The following TCFL5 variants were observed in gnomAD, a reference collection of about 807,000 sequenced individuals.
TCFL5 encodes transcription factor like 5, also known as transcription factor-like 5 protein.
Under a neutral mutation model 44.3 loss-of-function variants are expected in TCFL5, and 9 were observed. The observed-to-expected ratio is 0.20, with a 90% CI of 0.12 to 0.35. TCFL5 has a LOEUF of 0.35. TCFL5 is among the 10% of genes least tolerant of loss of function. The probability of loss-of-function intolerance (pLI) is 1.00; values close to 1 mark genes in which losing one functional copy is unlikely to be tolerated. For synonymous variants in TCFL5, 319 were observed against 271.6 expected, an observed-to-expected ratio of 1.17 and a Z score of -1.72; for missense variants, 603 against 613.4, an observed-to-expected ratio of 0.98 and a Z score of 0.18.
intron 3 of TCFL5, 105 bp downstream of exon 3, chr20:62,859,259 A>G: frequency 2.7e-6 from 3 of 1,122,576 alleles, no homozygotes; most frequent in East Asian, 2.4e-5. Context: ...ACTGTTTCAC[A>G]TGTGTACAAA....
rs757140481 is a variant in TCFL5 at position 62,861,564 on chromosome 20, C to T, written c.107G>A (p.Gly36Glu). The T allele has an allele frequency of 1.8e-6, 2 of 1,119,010 alleles. No homozygotes were observed. The highest frequency in any genetic ancestry group is 2.2e-6 in the Non-Finnish European group (2 of 906,180). The allele number at this position is 1,119,010 out of a possible 1,614,324, so 69.3% of individuals were successfully genotyped here. A position where few individuals can be genotyped will look rare whatever the true frequency, so the allele number is the denominator to read the frequency against. ...GGGDAALGEPGLSFTTTDLSL... is the reference protein window; with the variant it reads ...GGGDAALGEPELSFTTTDLSL... ...CAGGTCGGTGGTCGTGAAGCTCAGC[C>T]CCGGCTCGCCCAGCGCCGCGTCCCC... Residue 36 changes from glycine (G) to glutamate (E), a missense_variant, in exon 1 of 6, where the codon GGG becomes GAG. Gly to Glu is a moderately conservative substitution (Grantham distance 98). Transcript: ENST00000335351. This position sits in a 1 kb window ranked among gnomAD's most constrained non-coding sequence, Gnocchi z 4.0.
intron 5 of TCFL5, chr20:62,851,588 G>A: frequency 2.0e-6 from 2 of 985,128 alleles, no homozygotes; most frequent in Non-Finnish European, 2.4e-6. Flanking sequence ...AACCATAAAC[G>A]ATCCGATCAG....
At position 62,854,433 on chromosome 20, in the gene TCFL5, G is replaced by A. The variant is rs187037467; in HGVS notation, c.1239-276C>T. ...GGAGCTTTCCCTCTTTACTTCTCAC[G>A]GGCCAGGTTCAAGTCTCTAGATTAG... is the stretch of plus-strand genomic sequence containing the variant. On this transcript the variant is annotated intron_variant, in intron 4 of 5. Coordinates refer to ENST00000335351, the MANE Select transcript of TCFL5 (RefSeq NM_006602.4). Among the ~76,000 whole-genome samples the A allele has an allele frequency of 8.5e-5, 13 of 152,274 alleles. No individual in the cohort carries two copies. The East Asian group carries it at 1.7e-3, about 20-fold the overall frequency.
At chr20:62,854,913 C>A (rs543314678) in intron 4 of TCFL5, among the ~76,000 whole-genome samples, 27 of 152,292 alleles carry the variant, frequency 1.8e-4, no homozygotes, top group Non-Finnish European at 7.4e-5. Flanking sequence ...GACTTCTAGA[C>A]ATTGAGCGAA....
chr20:62,854,668 CTG>C (rs2063860693), intron 4 of TCFL5, among the ~76,000 whole-genome samples: 1 of 152,252 alleles, frequency 6.6e-6, no homozygotes, highest in Admixed American at 6.5e-5. Flanking sequence ...GCCCAACACT[CTG>C]TTAATATTCT....
At position 62,841,879 on chromosome 20, in the gene TCFL5, G is replaced by A; in HGVS notation, c.*96C>T. 6.5e-7 allele frequency: 1 copy of A among 1,526,814 alleles called. No individual in the cohort carries two copies. Among genetic ancestry groups the A allele is most frequent in the South Asian group, 1.3e-5 (1 of 79,468 alleles). 94.6% of individuals were successfully genotyped at this position (1,526,814 alleles called of 1,614,324 possible). A position where few individuals can be genotyped will look rare whatever the true frequency, so the allele number is the denominator to read the frequency against. On this transcript the variant is annotated 3_prime_UTR_variant, in exon 6 of 6. Coordinates refer to ENST00000335351, the MANE Select transcript of TCFL5 (RefSeq NM_006602.4). ...TCAGCTTGAGTCACGCCCTTTTCGA[G>A]TCAGACTAGCCGAGCAGAGCTCCAG...
At position 62,857,487 on chromosome 20, in the gene TCFL5, T is replaced by C; in HGVS notation, c.1146A>G (p.Ser382=). 1 of 1,614,234 alleles carries C rather than the reference T, an allele frequency of 6.2e-7. No homozygotes were observed. Among genetic ancestry groups the C allele is most frequent in the African/African-American group, 1.3e-5 (1 of 75,062 alleles). ...GGGCCTGCTCCCCCAGGTTTGCCTG[T>C]GAGGACTCCGAGGACTGCCAAGCGC... ...TQGAWQSSES[S]QANLGEQAQS... Residue 382 remains serine (S), a synonymous_variant, in exon 4 of 6, where the codon TCA becomes TCG. Transcript: ENST00000335351.
rs575515999 is a variant in TCFL5 at position 62,850,850 on chromosome 20, G to A, written c.1380+3166C>T. Among the ~76,000 whole-genome samples, 19 of 152,236 alleles carry A rather than the reference G, an allele frequency of 1.2e-4. 2 individuals are homozygous for A. In the East Asian group the frequency reaches 1.5e-3, roughly 12 times the overall value. ...TGTCATCATTGGGCCTTGGTTGGGC[G>A]CCTCCCTCGACCACCCAACATCACC... On this transcript the variant is annotated intron_variant, in intron 5 of 5. Transcript: ENST00000335351.
chr20:62,860,865 T>C (rs1260738231), intron 1 of TCFL5, among the ~76,000 whole-genome samples, 159 bp downstream of exon 1: 1 of 152,026 alleles, frequency 6.6e-6, no homozygotes. Context: ...ACACAGCCTT[T>C]CGGGGCGGCC....
Position 62,861,319 on chromosome 20 carries a change from C to A in TCFL5, c.352G>T (p.Ala118Ser). ...AAGTCGATGTGGCCCAGGCAGGGCG[C>A]GTCGGCCGCCAGCGCGGACGGGCAC... Reference protein sequence around the residue: ...VLCPSALAADAPCLGHIDFQE... With the variant: ...VLCPSALAADSPCLGHIDFQE... The change falls in exon 1 of 6, where the codon GCG becomes TCG. Residue 118 changes from alanine (A) to serine (S), a missense_variant. Ala to Ser is a moderately conservative substitution (Grantham distance 99). Around this residue, in one of 4 missense-constraint regions of TCFL5, gnomAD observed 540 missense variants for 478.7 expected, o/e 1.13. Coordinates refer to ENST00000335351, the MANE Select transcript of TCFL5 (RefSeq NM_006602.4). The surrounding 1 kb of genome is among the most constrained non-coding windows in gnomAD (Gnocchi z 4.0). 1 of 1,153,286 alleles carries A rather than the reference C, an allele frequency of 8.7e-7. No individual in the cohort carries two copies. Among genetic ancestry groups the A allele is most frequent in the East Asian group, 6.6e-5 (1 of 15,136 alleles). The allele number at this position is 1,153,286 out of a possible 1,614,324, so 71.4% of individuals were successfully genotyped here.
rs2063814827 is a variant in TCFL5, at chr20:62,851,892, C to T, written c.1380+2124G>A. The T allele has an allele frequency of 1.1e-5, 10 of 914,662 alleles. No individual in the cohort carries two copies. The South Asian group carries it at 4.5e-4, about 41-fold the overall frequency. The allele number at this position is 914,662 out of a possible 1,614,324, so 56.7% of individuals were successfully genotyped here. ...TGGTGCTATCTTGGCTCATTGCAAC[C>T]TCCGCCTCCCGGGTTCAACAATTCT... On this transcript the variant is annotated intron_variant, in intron 5 of 5. Coordinates refer to ENST00000335351, the MANE Select transcript of TCFL5 (RefSeq NM_006602.4).
At chr20:62,858,201 C>A (rs978924472) in intron 3 of TCFL5, among the ~76,000 whole-genome samples, 2 of 152,244 alleles carry the variant, frequency 1.3e-5, no homozygotes, top group African/African-American at 4.8e-5. Context: ...GAAGAAGTAG[C>A]GTCCGAGCTT....
Position 62,861,500 on chromosome 20 carries a change from C to T in TCFL5, c.171G>A (p.Leu57=). ...VEMTEVEYTQ[L]QHILCSHMEA... ...CCATGTGCGAGCAGAGGATGTGCTG[C>T]AGCTGCGTGTACTCCACCTCCGTCA... The change falls in exon 1 of 6, where the codon CTG becomes CTA. Residue 57 remains leucine (L), a synonymous_variant. Coordinates refer to ENST00000335351, the MANE Select transcript of TCFL5 (RefSeq NM_006602.4). The surrounding 1 kb of genome is among the most constrained non-coding windows in gnomAD (Gnocchi z 4.0). 1 of 1,199,870 alleles carries T rather than the reference C, an allele frequency of 8.3e-7. No homozygotes were observed. The highest frequency in any genetic ancestry group is 1.1e-6 in the Non-Finnish European group (1 of 950,624). The allele number at this position is 1,199,870 out of a possible 1,614,324, so 74.3% of individuals were successfully genotyped here. A position where few individuals can be genotyped will look rare whatever the true frequency, so the allele number is the denominator to read the frequency against.
In TCFL5 at chr20:62,842,207, C is replaced by G; in HGVS notation, c.1381-110G>C. The G allele has an allele frequency of 1.4e-6, 2 of 1,405,498 alleles. No homozygotes were observed. The highest frequency in any genetic ancestry group is 1.9e-6 in the Non-Finnish European group (2 of 1,031,244). 87.1% of individuals were successfully genotyped at this position (1,405,498 alleles called of 1,614,324 possible). A position where few individuals can be genotyped will look rare whatever the true frequency, so the allele number is the denominator to read the frequency against. Reference sequence around the variant, plus strand: ...GAGCTAAGTAAATGACTTTAGAATACGCTGTTTTAAGGTGTCATTCACAAA... The same window carrying G: ...GAGCTAAGTAAATGACTTTAGAATAGGCTGTTTTAAGGTGTCATTCACAAA... On this transcript the variant is annotated intron_variant, in intron 5 of 5. Coordinates refer to ENST00000335351, the MANE Select transcript of TCFL5 (RefSeq NM_006602.4). The surrounding 1 kb of genome is among the most constrained non-coding windows in gnomAD (Gnocchi z 4.3).
At chr20:62,843,915 C>T (rs2063707348) in intron 5 of TCFL5, among the ~76,000 whole-genome samples, 1 of 152,216 alleles carries the variant, frequency 6.6e-6, no homozygotes, top group Admixed American at 6.5e-5. Context: ...TAGCCTGTGT[C>T]AGAATTTCAT....
chr20:62,845,499 C>G (rs2063729968), intron 5 of TCFL5: 1 of 1,413,136 alleles, frequency 7.1e-7, no homozygotes. Flanking sequence ...TATTCTGACA[C>G]CTAAAGCCTA....
At chr20:62,851,583 TA>T in intron 5 of TCFL5, 1 of 985,346 alleles carries the variant, frequency 1.0e-6, no homozygotes, top group Non-Finnish European at 1.2e-6. Context: ...TAAATAACCA[TA>T]AACGATCCGA....
At chr20:62,859,650 G>T in intron 2 of TCFL5, 124 bp from the exon 3 acceptor site, 1 of 836,458 alleles carries the variant, frequency 1.2e-6, no homozygotes, top group Non-Finnish European at 1.8e-6. Context: ...AACTTTAGTT[G>T]CACTGAAGAT....
intron 5 of TCFL5, chr20:62,846,162 C>T (rs759604599): frequency 1.1e-5 from 13 of 1,160,758 alleles, no homozygotes; most frequent in South Asian, 6.9e-5. Flanking sequence ...ATTTAAAAGA[C>T]GATAATTTAA....
Sources: gnomAD v4.1 joint callset for allele counts (sites outside exome capture counted in the v4.1 genomes callset) on GRCh38, gnomAD v4.1.1 for gene constraint, gnomAD v4.1.1 regional missense constraint, Gnocchi (gnomAD v3.1) non-coding constraint, MANE v1.5 for transcripts, NCBI Gene and HGNC (gene_info 2026-07-23, HGNC 2026-07-21) for gene names.